Variants in SLCO2B1 observed in about 807,000 individuals in gnomAD.
SLCO2B1 encodes OATP-RP2.
In SLCO2B1, 41 loss-of-function variants were observed where a neutral mutation model predicts 67.3. The observed-to-expected ratio is 0.61, with a 90% CI of 0.47 to 0.79. The LOEUF is 0.79. Among genes scored for constraint, SLCO2B1 ranks in the 30% least tolerant of loss-of-function variants. The probability of loss-of-function intolerance (pLI) is 0.00; values close to 1 mark genes in which losing one functional copy is unlikely to be tolerated. For missense variants in SLCO2B1, 837 were observed against 920.1 expected (o/e 0.91, Z 1.17); for synonymous variants, 379 against 381.4 (o/e 0.99, Z 0.07).
At position 75,193,204 on chromosome 11, in the gene SLCO2B1, A is replaced by G; in HGVS notation, c.1076-14A>G. On this transcript the variant is annotated splice_polypyrimidine_tract_variant and intron_variant, in intron 8 of 13. Coordinates refer to ENST00000289575, the MANE Select transcript of SLCO2B1 (RefSeq NM_007256.5). The surrounding 1 kb of genome is among the most constrained non-coding windows in gnomAD (Gnocchi z 4.2). ...CTGCCCTGCCTGCCCTGACCTCTGC[A>G]CTCGCCCCCACAGTCTTCCCCAGGG... is the stretch of plus-strand genomic sequence containing the variant. 6.3e-7 allele frequency: 1 copy of G among 1,591,972 alleles called. No homozygotes were observed. Among genetic ancestry groups the G allele is most frequent in the African/African-American group, 1.3e-5 (1 of 74,754 alleles).
At chr11:75,198,797 C>T (rs1179068164) in intron 10 of SLCO2B1, among the ~76,000 whole-genome samples, 1 of 152,196 alleles carries the variant, frequency 6.6e-6, no homozygotes, top group Admixed American at 6.5e-5. Flanking sequence ...TCAGTAACAG[C>T]TTATGAGTGC....
At chr11:75,201,377 C>A (rs1945180131) in intron 11 of SLCO2B1, 1 of 152,204 alleles carries the variant, frequency 6.6e-6, no homozygotes, top group Non-Finnish European at 1.5e-5. Flanking sequence ...AAGACTTCTG[C>A]AACCAGAAGT....
rs149162991 is a variant in SLCO2B1 at position 75,159,454 on chromosome 11, C to G, written c.17-3201C>G. On this transcript the variant is annotated intron_variant, in intron 1 of 13. Transcript: ENST00000289575. The stretch of plus-strand genomic sequence containing the variant: ...TCCCATGGCCGTCCCATCCTCCTGT[C>G]AGGGGTGGCCCCTGACAAAGGCCCC... Among the ~76,000 whole-genome samples the G allele has an allele frequency of 9.8e-5, 15 of 152,352 alleles. 1 individual carries two copies. In the East Asian group the frequency reaches 2.9e-3, roughly 29 times the overall value.
At chr11:75,154,019 G>A (rs1234604243) in intron 1 of SLCO2B1, among the ~76,000 whole-genome samples, 24 of 147,526 alleles carry the variant, frequency 1.6e-4, no homozygotes, top group African/African-American at 4.0e-4. Context: ...TCTACCTCCC[G>A]GGTTCAAACG....
rs1442259948 is a variant in SLCO2B1, at chr11:75,166,518, C to A, written c.448+569C>A. On this transcript the variant is annotated intron_variant, in intron 4 of 13. Coordinates refer to ENST00000289575, the MANE Select transcript of SLCO2B1 (RefSeq NM_007256.5). ...GATGTCTCTTACAGAATGACCCTAA[C>A]AACCTGATCGTTCACTTTATTCCTT... 1.8e-4 allele frequency among the ~76,000 whole-genome samples: 28 copies of A among 152,286 alleles called. No individual in the cohort carries two copies. The South Asian group carries it at 5.8e-3, about 32-fold the overall frequency.
chr11:75,179,961 G>C (rs981543230), intron 7 of SLCO2B1, among the ~76,000 whole-genome samples: 1 of 150,654 alleles, frequency 6.6e-6, no homozygotes. Context: ...CAAAGTGTTG[G>C]GGTTACAGGC....
chr11:75,156,142 A>G (rs1212337412), intron 1 of SLCO2B1, among the ~76,000 whole-genome samples: 1 of 152,214 alleles, frequency 6.6e-6, no homozygotes, highest in African/African-American at 2.4e-5. Context: ...TAGAGAGGCT[A>G]AATCAGATGT....
intron 8 of SLCO2B1, among the ~76,000 whole-genome samples, chr11:75,189,012 C>T (rs556855614): frequency 1.2e-4 from 18 of 152,326 alleles, no homozygotes; most frequent in African/African-American, 4.3e-4. Context: ...GAGCTCTGGG[C>T]TAATATCCAG....
At position 75,193,399 on chromosome 11, in the gene SLCO2B1, T is replaced by C; in HGVS notation, c.1257T>C (p.Pro419=). 2 of 1,614,146 alleles carry C rather than the reference T, an allele frequency of 1.2e-6. No homozygotes were observed. The highest frequency in any genetic ancestry group is 8.5e-7 in the Non-Finnish European group (1 of 1,180,004). The change falls in exon 9 of 14, where the codon CCT becomes CCC. Residue 419 remains proline (P), a synonymous_variant. Transcript: ENST00000289575. The surrounding 1 kb of genome is among the most constrained non-coding windows in gnomAD (Gnocchi z 4.2). ...TGCTCATCGGCTGCCTCTCCTTCCC[T>C]TCGGTCATCGTGGGCATCGTGGTGG... ...ANLLIGCLSF[P]SVIVGIVVGG...
chr11:75,169,818 C>T (rs1752490349), intron 6 of SLCO2B1, 54 bp downstream of exon 6: 1 of 1,446,096 alleles, frequency 6.9e-7, no homozygotes, highest in Non-Finnish European at 9.7e-7. Flanking sequence ...CTGCCACTCT[C>T]ATAGGAGACA....
rs754410339 is a variant in SLCO2B1, at chr11:75,165,880, C to G, written c.379C>G (p.Leu127Val). The G allele has an allele frequency of 6.2e-7, 1 of 1,614,198 alleles. No homozygotes were observed. Among genetic ancestry groups the G allele is most frequent in the East Asian group, 2.2e-5 (1 of 44,880 alleles). ...TGGCTATGGGGCTATCCTTGTGGCCCTGGCGGGCCTGCTCATGACTCTCCC... is the reference window on the plus strand; with the variant it reads ...TGGCTATGGGGCTATCCTTGTGGCCGTGGCGGGCCTGCTCATGACTCTCCC... ...MIGYGAILVA[L>V]AGLLMTLPHF... The change falls in exon 4 of 14, where the codon CTG becomes GTG. Residue 127 changes from leucine (L) to valine (V), a missense_variant. Leu to Val is a conservative substitution (Grantham distance 32). Transcript: ENST00000289575.
chr11:75,202,700 CT>C, intron 11 of SLCO2B1, 200 bp from the exon 12 acceptor site: 1 of 605,510 alleles, frequency 1.7e-6, no homozygotes, highest in Non-Finnish European at 2.9e-6. Context: ...GGTGTGTTGT[CT>C]TGTATATGGG....
intron 7 of SLCO2B1, among the ~76,000 whole-genome samples, chr11:75,172,869 C>T (rs1421567787): frequency 6.6e-6 from 1 of 151,512 alleles, no homozygotes; most frequent in Non-Finnish European, 1.5e-5. Context: ...GTGGAGGTTG[C>T]AGTGAGCCGA....
chr11:75,165,844 C>T lies in SLCO2B1; in HGVS notation c.343C>T (p.Pro115Ser), dbSNP rs148248368. The change falls in exon 4 of 14, where the codon CCC (proline) becomes TCC (serine). Residue 115 changes from proline to serine, a missense_variant. By Grantham distance (74) the Pro-to-Ser change is moderately conservative. Transcript: ENST00000289575. Reference sequence around the variant, plus strand: ...CTATTTTGGCAGCCGGGTGCACCGACCCCGAATGATTGGCTATGGGGCTAT... The same window carrying T: ...CTATTTTGGCAGCCGGGTGCACCGATCCCGAATGATTGGCTATGGGGCTAT... ...VSYFGSRVHR[P>S]RMIGYGAILV... 1,166 of 1,614,054 alleles carry T rather than the reference C, an allele frequency of 7.2e-4. No homozygotes were observed. The highest frequency in any genetic ancestry group is 9.3e-4 in the Non-Finnish European group (1,096 of 1,180,012).
rs1419325706 is a variant in SLCO2B1, at chr11:75,193,782, G to C, written c.1433+207G>C. On this transcript the variant is annotated intron_variant, in intron 9 of 13. Coordinates refer to ENST00000289575, the MANE Select transcript of SLCO2B1 (RefSeq NM_007256.5). This position sits in a 1 kb window ranked among gnomAD's most constrained non-coding sequence, Gnocchi z 4.2. ...TAGGTGTCAGGCACCACTGGAAGGGGCATGGATGAGACTTCAGGGGCAGAA... is the reference window on the plus strand; with the variant it reads ...TAGGTGTCAGGCACCACTGGAAGGGCCATGGATGAGACTTCAGGGGCAGAA... Among the ~76,000 whole-genome samples the C allele has an allele frequency of 6.6e-6, 1 of 152,232 alleles. No homozygotes were observed. The highest frequency in any genetic ancestry group is 6.5e-5 in the Admixed American group (1 of 15,294).
chr11:75,169,536 G>A, intron 5 of SLCO2B1, 130 bp downstream of exon 5: 10 of 1,200,804 alleles, frequency 8.3e-6, no homozygotes, highest in Non-Finnish European at 1.1e-5. Flanking sequence ...AAGGTCCAGG[G>A]AAGCCCTGGA....
At chr11:75,204,254 TC>T in intron 13 of SLCO2B1, 145 bp from the exon 14 acceptor site, 2 of 803,090 alleles carry the variant, frequency 2.5e-6, no homozygotes, top group East Asian at 2.7e-5. Flanking sequence ...GCAGAGCCTC[TC>T]CCCCTCCTCC....
At chr11:75,155,749 C>T (rs188928996) in intron 1 of SLCO2B1, among the ~76,000 whole-genome samples, 34 of 152,308 alleles carry the variant, frequency 2.2e-4, no homozygotes, top group African/African-American at 3.1e-4. Flanking sequence ...TGAGCCACCA[C>T]GAGGCCAGGC....
chr11:75,154,951 C>A (rs761392890), intron 1 of SLCO2B1, among the ~76,000 whole-genome samples: 3 of 152,194 alleles, frequency 2.0e-5, no homozygotes, highest in Non-Finnish European at 4.4e-5. Flanking sequence ...TATCTCTGAG[C>A]CTCTGGCTCC....
Sources: allele counts gnomAD v4.1 joint callset (sites outside exome capture counted in the v4.1 genomes callset), GRCh38; gene constraint gnomAD v4.1.1; non-coding constraint Gnocchi (gnomAD v3.1); transcripts MANE v1.5; gene names NCBI Gene and HGNC (gene_info 2026-07-23, HGNC 2026-07-21).